The following RORB variants were observed in gnomAD, a reference collection of about 807,000 sequenced individuals.
The protein encoded by RORB is RAR related orphan receptor B.
In RORB, 6 loss-of-function variants were observed where a neutral mutation model predicts 59.1. The observed-to-expected ratio is 0.10, with a 90% CI of 0.06 to 0.20. The LOEUF is 0.20. Among genes scored for constraint, RORB ranks in the 10% least tolerant of loss-of-function variants. RORB has a pLI of 1.00. For missense variants in RORB, 320 were observed against 560.5 expected (o/e 0.57, Z 4.33); for synonymous variants, 215 against 204.5 (o/e 1.05, Z -0.44).
At position 74,556,481 on chromosome 9, in the gene RORB, C is replaced by A. The variant is rs141732431; in HGVS notation, c.7+58498C>A. ...GTTATGCAGCCAAAGAAAAGTGGAG[C>A]CCTGTCCATTTATCTGAGGATTTGG... On this transcript the variant is annotated intron_variant, in intron 1 of 9. Transcript: ENST00000376896. Among the ~76,000 whole-genome samples the A allele has an allele frequency of 8.1e-3, 1,235 of 152,256 alleles. 10 individuals are homozygous for A. Among genetic ancestry groups the A allele is most frequent in the Non-Finnish European group, 0.013 (900 of 68,012 alleles).
chr9:74,667,683 A>T, intron 7 of RORB, 108 bp from the exon 8 acceptor site: 1 of 642,666 alleles, frequency 1.6e-6, no homozygotes, highest in Non-Finnish European at 2.8e-6. Context: ...CTTTTCTAGA[A>T]GTCTAGTATG....
chr9:74,665,178 T>G (rs1055528171), intron 6 of RORB, among the ~76,000 whole-genome samples: 2 of 152,224 alleles, frequency 1.3e-5, no homozygotes, highest in Admixed American at 1.3e-4. Flanking sequence ...ATATATTTTC[T>G]CCTTAATTCC....
At chr9:74,557,203 AG>A (rs1399508028) in intron 1 of RORB, among the ~76,000 whole-genome samples, 2 of 152,168 alleles carry the variant, frequency 1.3e-5, no homozygotes, top group African/African-American at 2.4e-5. Flanking sequence ...TCTGGGAAAC[AG>A]GCTTAAGCCA....
intron 1 of RORB, among the ~76,000 whole-genome samples, chr9:74,513,314 C>T (rs929424765): frequency 1.3e-5 from 2 of 152,024 alleles, no homozygotes; most frequent in Non-Finnish European, 2.9e-5. Flanking sequence ...AAAAAAACCT[C>T]GCTCTGGTCC....
At chr9:74,568,698 T>TG (rs1360361000) in intron 1 of RORB, among the ~76,000 whole-genome samples, 1 of 77,584 alleles carries the variant, frequency 1.3e-5, no homozygotes, top group African/African-American at 3.8e-5. Context: ...AGACTCCATC[T>TG]CAAAAAAAAA....
chr9:74,651,112 C>T (rs1823982620), intron 4 of RORB, among the ~76,000 whole-genome samples: 1 of 152,126 alleles, frequency 6.6e-6, no homozygotes, highest in African/African-American at 2.4e-5. Context: ...GAAGATTTTC[C>T]ATGGCCTCTG....
chr9:74,562,866 T>G (rs962598303), intron 1 of RORB, among the ~76,000 whole-genome samples: 2 of 152,192 alleles, frequency 1.3e-5, no homozygotes, highest in African/African-American at 4.8e-5. Flanking sequence ...TATTAACACT[T>G]TATCACTGTT....
chr9:74,593,976 A>G (rs1335054075), intron 1 of RORB, among the ~76,000 whole-genome samples: 1 of 152,202 alleles, frequency 6.6e-6, no homozygotes, highest in Non-Finnish European at 1.5e-5. Flanking sequence ...CTATAATCAG[A>G]AAAAATAAAA....
At chr9:74,522,836 G>T (rs1036459006) in intron 1 of RORB, among the ~76,000 whole-genome samples, 24 of 151,594 alleles carry the variant, frequency 1.6e-4, no homozygotes, top group African/African-American at 5.8e-4. Flanking sequence ...GATGAATAGG[G>T]GCATCACTGC....
intron 1 of RORB, among the ~76,000 whole-genome samples, chr9:74,604,021 T>C (rs1823111323): frequency 6.6e-6 from 1 of 150,696 alleles, no homozygotes; most frequent in African/African-American, 2.4e-5. Context: ...TATGTTCTTG[T>C]ATATGGAAAG....
At chr9:74,562,311 A>G (rs1479205064) in intron 1 of RORB, among the ~76,000 whole-genome samples, 1 of 152,216 alleles carries the variant, frequency 6.6e-6, no homozygotes, top group East Asian at 1.9e-4. Context: ...GATCCAATGG[A>G]GTAGGAATTC....
intron 1 of RORB, among the ~76,000 whole-genome samples, chr9:74,527,098 A>G (rs1826165854): frequency 2.0e-5 from 3 of 152,056 alleles, no homozygotes; most frequent in African/African-American, 7.2e-5. Flanking sequence ...ATGAGAATTT[A>G]GAAACCGTAA....
chr9:74,569,656 A>G (rs1235324189), intron 1 of RORB, among the ~76,000 whole-genome samples: 2 of 152,214 alleles, frequency 1.3e-5, no homozygotes, highest in South Asian at 4.1e-4. Flanking sequence ...CATCATTGAA[A>G]CCAGGTGACT....
chr9:74,609,528 G>T (rs1314376402), intron 1 of RORB, among the ~76,000 whole-genome samples: 1 of 152,102 alleles, frequency 6.6e-6, no homozygotes, highest in Non-Finnish European at 1.5e-5. Context: ...TTTTTTCAGT[G>T]ATTTGGAATC....
intron 9 of RORB, among the ~76,000 whole-genome samples, chr9:74,674,430 C>T (rs1290114284): frequency 6.6e-6 from 1 of 152,164 alleles, no homozygotes; most frequent in African/African-American, 2.4e-5. Flanking sequence ...GTAGAGGATA[C>T]CTCTGCTTTC....
intron 1 of RORB, among the ~76,000 whole-genome samples, chr9:74,620,285 C>T (rs367650742): frequency 6.6e-6 from 1 of 152,114 alleles, no homozygotes; most frequent in African/African-American, 2.4e-5. Flanking sequence ...GTGTATGTGT[C>T]GAGGAATTTA....
At chr9:74,557,652 C>T (rs984838561) in intron 1 of RORB, among the ~76,000 whole-genome samples, 1 of 152,116 alleles carries the variant, frequency 6.6e-6, no homozygotes, top group African/African-American at 2.4e-5. Flanking sequence ...GAAGATCCCA[C>T]TATCATTGTT....
intron 1 of RORB, among the ~76,000 whole-genome samples, chr9:74,549,287 T>C (rs1015500672): frequency 3.3e-5 from 5 of 151,488 alleles, no homozygotes; most frequent in Non-Finnish European, 7.4e-5. Context: ...CTACTAAAAA[T>C]ACAAAAATTA....
intron 4 of RORB, among the ~76,000 whole-genome samples, chr9:74,657,724 G>A (rs1354173301): frequency 1.3e-5 from 2 of 152,148 alleles, no homozygotes; most frequent in Non-Finnish European, 2.9e-5. Context: ...ACAGGCAAGG[G>A]TAGGGGATGG....
Sources: gnomAD v4.1 joint callset for allele counts (sites outside exome capture counted in the v4.1 genomes callset) on GRCh38, gnomAD v4.1.1 for gene constraint, MANE v1.5 for transcripts, NCBI Gene and HGNC (gene_info 2026-07-23, HGNC 2026-07-21) for gene names.